Variants in CADM2 observed in about 807,000 individuals in gnomAD.
CADM2 encodes the protein immunoglobulin superfamily member 4D.
A neutral mutation model predicts 49.8 loss-of-function variants in CADM2; 12 were observed. That is an observed-to-expected ratio of 0.24 (90% confidence interval 0.15 to 0.39). The LOEUF (loss-of-function observed/expected upper bound fraction) is 0.39. CADM2 is among the 10% of genes least tolerant of loss of function. CADM2 has a pLI of 1.00. For missense variants in CADM2, 378 were observed against 492.3 expected (o/e 0.77, Z 2.20); for synonymous variants, 214 against 175.4 (o/e 1.22, Z -1.74).
chr3:85,752,486 A>T (rs936951472), intron 2 of CADM2, among the ~76,000 whole-genome samples: 1 of 151,712 alleles, frequency 6.6e-6, no homozygotes, highest in Non-Finnish European at 1.5e-5. Context: ...ACACACACAC[A>T]CACACACACA....
At chr3:85,103,987 A>C (rs1349049541) in intron 1 of CADM2, among the ~76,000 whole-genome samples, 1 of 152,156 alleles carries the variant, frequency 6.6e-6, no homozygotes, top group Non-Finnish European at 1.5e-5. Context: ...AGAAAAAGTG[A>C]GATGTAAAAG....
intron 1 of CADM2, among the ~76,000 whole-genome samples, chr3:85,358,186 AG>A (rs1168021882): frequency 1.3e-5 from 2 of 152,090 alleles, no homozygotes; most frequent in African/African-American, 4.8e-5. Flanking sequence ...CCTAGATGCC[AG>A]TAGCATCTTG....
At chr3:85,921,498 T>G (rs1230792143) in intron 6 of CADM2, among the ~76,000 whole-genome samples, 1 of 152,046 alleles carries the variant, frequency 6.6e-6, no homozygotes, top group Non-Finnish European at 1.5e-5. Flanking sequence ...ATATACTTTA[T>G]TTTTAAGAGC....
intron 5 of CADM2, among the ~76,000 whole-genome samples, 192 bp from the exon 6 acceptor site, chr3:85,912,181 G>C (rs573584783): frequency 6.6e-6 from 1 of 151,938 alleles, no homozygotes; most frequent in Admixed American, 6.6e-5. Context: ...TCCTGACCTC[G>C]TGAAGAATTT....
At chr3:85,884,003 C>T (rs1713195557) in intron 4 of CADM2, among the ~76,000 whole-genome samples, 1 of 152,146 alleles carries the variant, frequency 6.6e-6, no homozygotes, top group Admixed American at 6.5e-5. Flanking sequence ...TACCTAATGT[C>T]GCTTCAGCTT....
chr3:85,710,104 C>T (rs1220019874), intron 1 of CADM2, among the ~76,000 whole-genome samples: 1 of 152,098 alleles, frequency 6.6e-6, no homozygotes, highest in Non-Finnish European at 1.5e-5. Flanking sequence ...GAACATAATG[C>T]AGAACATTTC....
At chr3:85,442,930 A>C (rs142220655) in intron 1 of CADM2, among the ~76,000 whole-genome samples, 1 of 151,760 alleles carries the variant, frequency 6.6e-6, no homozygotes, top group African/African-American at 2.4e-5. Flanking sequence ...ATTTCTTCTT[A>C]ATTTCCTGAT....
intron 1 of CADM2, among the ~76,000 whole-genome samples, chr3:85,668,058 A>G (rs2065624077): frequency 6.6e-6 from 1 of 152,042 alleles, no homozygotes; most frequent in Non-Finnish European, 1.5e-5. Flanking sequence ...GGAATTGCCT[A>G]CAAATTAAAT....
At chr3:85,965,454 A>G (rs1725361190) in intron 8 of CADM2, among the ~76,000 whole-genome samples, 1 of 151,386 alleles carries the variant, frequency 6.6e-6, no homozygotes, top group Non-Finnish European at 1.5e-5. Context: ...TTATTATACC[A>G]AGGACAATCA....
intron 1 of CADM2, among the ~76,000 whole-genome samples, chr3:85,711,601 T>G (rs1282536541): frequency 6.6e-6 from 1 of 152,180 alleles, no homozygotes; most frequent in African/African-American, 2.4e-5. Context: ...CCAATTTACA[T>G]TCTAGATCAC....
intron 2 of CADM2, among the ~76,000 whole-genome samples, chr3:85,771,899 G>GAACTAGTTCCATTTCTGGCTCTGAT: frequency 6.6e-6 from 1 of 151,800 alleles, no homozygotes; most frequent in African/African-American, 2.4e-5. Context: ...TTCTTTCCAA[G>GAACTAGTTCCATTTCTGGCTCTGAT]TTGAGCCAGA....
At chr3:85,593,621 A>G (rs1298764845) in intron 1 of CADM2, among the ~76,000 whole-genome samples, 1 of 152,030 alleles carries the variant, frequency 6.6e-6, no homozygotes, top group Non-Finnish European at 1.5e-5. Flanking sequence ...AACACATAAG[A>G]CATTGGGTGC....
chr3:86,026,352 T>G (rs960735212), intron 8 of CADM2, among the ~76,000 whole-genome samples: 6 of 150,218 alleles, frequency 4.0e-5, no homozygotes, highest in Non-Finnish European at 7.4e-5. Context: ...TTTTTTTTGG[T>G]TTTTTTTTGG....
intron 1 of CADM2, among the ~76,000 whole-genome samples, chr3:85,695,417 T>G (rs1187407333): frequency 6.6e-6 from 1 of 152,110 alleles, no homozygotes; most frequent in Non-Finnish European, 1.5e-5. Flanking sequence ...CACTTATAAG[T>G]GAGAAAATGT....
chr3:85,432,220 G>C (rs1015282117), intron 1 of CADM2, among the ~76,000 whole-genome samples: 1 of 151,876 alleles, frequency 6.6e-6, no homozygotes, highest in Non-Finnish European at 1.5e-5. Flanking sequence ...ACATTCAGAA[G>C]TATCAGTCCA....
In CADM2 at chr3:85,305,237, ATTAT is replaced by A. The variant is rs971507883; in HGVS notation, c.61+345573_61+345576del. Among the ~76,000 whole-genome samples, 106 of 151,618 alleles carry A rather than the reference ATTAT, an allele frequency of 7.0e-4. 1 individual carries two copies. The highest frequency in any genetic ancestry group is 8.6e-4 in the Non-Finnish European group (58 of 67,664). On this transcript the variant is annotated intron_variant, in intron 1 of 9. Transcript: ENST00000383699. Reference sequence around the variant, plus strand: ...TTCCTTTTAAATAAGACATCATGAGATTATTTAGTTTCCTTCTTACCACAGTAGC... The same window carrying A: ...TTCCTTTTAAATAAGACATCATGAGATTAGTTTCCTTCTTACCACAGTAGC...
At chr3:85,928,568 T>C (rs527362510) in intron 6 of CADM2, among the ~76,000 whole-genome samples, 14 of 152,270 alleles carry the variant, frequency 9.2e-5, no homozygotes, top group African/African-American at 3.4e-4. Context: ...AAAAAAAATC[T>C]AGGAAAACAA....
intron 2 of CADM2, among the ~76,000 whole-genome samples, chr3:85,729,277 T>C (rs2067837286): frequency 6.6e-6 from 1 of 152,206 alleles, no homozygotes; most frequent in Non-Finnish European, 1.5e-5. Context: ...AGGTTGTCTT[T>C]GATTCTTGAA....
intron 1 of CADM2, among the ~76,000 whole-genome samples, chr3:85,555,007 C>T (rs751101011): frequency 6.6e-6 from 1 of 151,778 alleles, no homozygotes; most frequent in Non-Finnish European, 1.5e-5. Flanking sequence ...TGAGCCACTG[C>T]ACTAGGCCCA....
Sources: allele counts gnomAD v4.1 joint callset (sites outside exome capture counted in the v4.1 genomes callset), GRCh38; gene constraint gnomAD v4.1.1; transcripts MANE v1.5; gene names NCBI Gene and HGNC (gene_info 2026-07-23, HGNC 2026-07-21).